Variants in HMGB1 observed in about 807,000 individuals in gnomAD.
HMGB1 encodes the protein high mobility group protein B1.
For missense variants in HMGB1, 79 were observed against 253.5 expected (o/e 0.31, Z 4.67); for synonymous variants, 81 against 84.0 (o/e 0.96, Z 0.19).
intron 1 of HMGB1, among the ~76,000 whole-genome samples, chr13:30,505,393 T>C (rs1032276156): frequency 1.8e-4 from 28 of 151,546 alleles, no homozygotes; most frequent in South Asian, 6.2e-4. Flanking sequence ...TTAGCCAGGA[T>C]GGTCTCCATC....
At chr13:30,595,209 T>C (rs1871553842) in intron 1 of HMGB1, among the ~76,000 whole-genome samples, 1 of 152,240 alleles carries the variant, frequency 6.6e-6, no homozygotes, top group South Asian at 2.1e-4. Context: ...TTTTTATTTC[T>C]TTTACATATT....
intron 1 of HMGB1, among the ~76,000 whole-genome samples, chr13:30,578,717 T>C (rs1181007600): frequency 6.6e-6 from 1 of 152,122 alleles, no homozygotes; most frequent in East Asian, 1.9e-4. Flanking sequence ...GGTGCATAGG[T>C]CTTCAATGGG....
At chr13:30,465,363 G>A (rs1886710888) in intron 1 of HMGB1, 1 of 135,270 alleles carries the variant, frequency 7.4e-6, no homozygotes, top group Non-Finnish European at 1.6e-5. Context: ...AATGCAGCCC[G>A]GGGAAGCGCC....
intron 1 of HMGB1, among the ~76,000 whole-genome samples, chr13:30,544,116 C>A (rs1476539925): frequency 1.3e-5 from 2 of 152,218 alleles, no homozygotes; most frequent in African/African-American, 4.8e-5. Flanking sequence ...AGGTTACCCA[C>A]CCTGGCAGGT....
At chr13:30,579,181 AGT>A (rs1424440176) in intron 1 of HMGB1, among the ~76,000 whole-genome samples, 1 of 152,236 alleles carries the variant, frequency 6.6e-6, no homozygotes, top group African/African-American at 2.4e-5. Context: ...GGCTAGAAAA[AGT>A]GAGAAGAAAC....
Position 30,458,140 on chromosome 13 carries a change from A to C in HMGB1, c.*3217T>G, listed in dbSNP as rs747241172. 1.3e-5 allele frequency: 2 copies of C among 151,944 alleles called. No individual in the cohort carries two copies. The highest frequency in any genetic ancestry group is 2.9e-5 in the Non-Finnish European group (2 of 68,022). The allele number at this position is 151,944 out of a possible 1,614,324, so 9.4% of individuals were successfully genotyped here. A position where few individuals can be genotyped will look rare whatever the true frequency, so the allele number is the denominator to read the frequency against. On this transcript the variant is annotated 3_prime_UTR_variant, in exon 5 of 5. Transcript: ENST00000341423. ...CATCACATGCAAGTGTCTTACTGCT[A>C]CTGAAAGCTATCAGACCCTTTCAGG...
intron 1 of HMGB1, among the ~76,000 whole-genome samples, chr13:30,563,223 A>G (rs1870038386): frequency 6.6e-6 from 1 of 152,214 alleles, no homozygotes; most frequent in Non-Finnish European, 1.5e-5. Context: ...TGTTCAAACA[A>G]TGGGGTAAAA....
chr13:30,616,432 TTA>T (rs1217249787), intron 1 of HMGB1, among the ~76,000 whole-genome samples: 2 of 152,246 alleles, frequency 1.3e-5, no homozygotes, highest in Non-Finnish European at 2.9e-5. Context: ...TTTGTTCAAT[TTA>T]TGAGTTAATA....
At chr13:30,485,974 G>A (rs898264072) in intron 1 of HMGB1, among the ~76,000 whole-genome samples, 2 of 152,142 alleles carry the variant, frequency 1.3e-5, no homozygotes, top group African/African-American at 4.8e-5. Flanking sequence ...TTACAGCAGA[G>A]CTGAAGCTCG....
intron 1 of HMGB1, among the ~76,000 whole-genome samples, chr13:30,483,220 C>G (rs552568133): frequency 1.5e-4 from 23 of 152,146 alleles, no homozygotes; most frequent in Non-Finnish European, 3.4e-4. Flanking sequence ...AGACCCCACT[C>G]CATTCTGCAT....
intron 1 of HMGB1, among the ~76,000 whole-genome samples, chr13:30,608,926 A>G (rs1950486176): frequency 6.6e-6 from 1 of 152,246 alleles, no homozygotes; most frequent in Admixed American, 6.5e-5. Context: ...TTGAGGTTTA[A>G]ACTAAAACAC....
intron 1 of HMGB1, among the ~76,000 whole-genome samples, chr13:30,533,260 C>G (rs1029671748): frequency 6.6e-6 from 1 of 152,230 alleles, no homozygotes; most frequent in Non-Finnish European, 1.5e-5. Flanking sequence ...AGCCCAGAGA[C>G]TTCACAGTCT....
At chr13:30,474,508 G>T (rs990418292) in intron 1 of HMGB1, among the ~76,000 whole-genome samples, 1 of 152,232 alleles carries the variant, frequency 6.6e-6, no homozygotes, top group Non-Finnish European at 1.5e-5. Context: ...ACCGTAATGA[G>T]TATGCCCAGC....
chr13:30,525,468 C>G (rs1294410184), intron 1 of HMGB1, among the ~76,000 whole-genome samples: 1 of 152,132 alleles, frequency 6.6e-6, no homozygotes, highest in African/African-American at 2.4e-5. Flanking sequence ...AGATCCTTGA[C>G]AGTAGGGCTC....
chr13:30,545,642 A>T (rs921617203), intron 1 of HMGB1, among the ~76,000 whole-genome samples: 9 of 152,152 alleles, frequency 5.9e-5, no homozygotes, highest in Non-Finnish European at 1.2e-4. Flanking sequence ...AATCAAAATT[A>T]AAACTAAACT....
chr13:30,572,942 G>C, intron 1 of HMGB1, among the ~76,000 whole-genome samples: 1 of 152,186 alleles, frequency 6.6e-6, no homozygotes, highest in East Asian at 1.9e-4. Flanking sequence ...GATGCCAAGG[G>C]CTGACAGTTT....
Position 30,583,189 on chromosome 13 carries a change from A to G in HMGB1, c.-15+33482T>C, listed in dbSNP as rs73167356. Among the ~76,000 whole-genome samples the G allele has an allele frequency of 2.2e-3, 334 of 152,066 alleles. 1 individual carries two copies. Among genetic ancestry groups the G allele is most frequent in the Non-Finnish European group, 3.9e-3 (262 of 67,988 alleles). On this transcript the variant is annotated intron_variant, in intron 1 of 4. Coordinates refer to the HMGB1 transcript ENST00000405805. ...ACCCTGACTGATCTTTCTAAGCATAAATCTAATAATGCCCCTTCCTTGATT... is the reference window on the plus strand; with the variant it reads ...ACCCTGACTGATCTTTCTAAGCATAGATCTAATAATGCCCCTTCCTTGATT...
chr13:30,611,882 T>C (rs1950516120), intron 1 of HMGB1, among the ~76,000 whole-genome samples: 1 of 147,524 alleles, frequency 6.8e-6, no homozygotes, highest in African/African-American at 2.5e-5. Flanking sequence ...GATGAAAAAG[T>C]TAATAGCTTT....
At chr13:30,467,303 T>C (rs1281461220), upstream of HMGB1, among the ~76,000 whole-genome samples, 1 of 152,264 alleles carries the variant, frequency 6.6e-6, no homozygotes, top group African/African-American at 2.4e-5. Context: ...AAATTTGGAA[T>C]AAATCACCTA....
Sources: gnomAD v4.1 joint callset for allele counts (sites outside exome capture counted in the v4.1 genomes callset) on GRCh38, gnomAD v4.1.1 for gene constraint, MANE v1.5 for transcripts, NCBI Gene and HGNC (gene_info 2026-07-23, HGNC 2026-07-21) for gene names.